G3BP1: variants seen among roughly 807,000 people sequenced by gnomAD.
The protein encoded by G3BP1 is ras GTPase-activating protein-binding protein 1.
Under a neutral mutation model 58.6 loss-of-function variants are expected in G3BP1, and 35 were observed. The observed-to-expected ratio is 0.60, with a 90% CI of 0.46 to 0.79. The LOEUF (loss-of-function observed/expected upper bound fraction) is 0.79. Among genes scored for constraint, G3BP1 ranks in the 30% least tolerant of loss-of-function variants. G3BP1 has a pLI of 0.00. For missense variants in G3BP1, 523 were observed against 580.8 expected (o/e 0.90, Z 1.02); for synonymous variants, 191 against 195.4 (o/e 0.98, Z 0.19).
intron 1 of G3BP1, chr5:151,772,738 A>G (rs1762293315): frequency 6.6e-6 from 1 of 152,236 alleles, no homozygotes; most frequent in African/African-American, 2.4e-5. Context: ...ACAGGCACGC[A>G]CGGGAAGGGC....
rs1235998675 is a variant in G3BP1, at chr5:151,800,354, A to G, written c.1084+8A>G. 1.2e-6 allele frequency: 2 copies of G among 1,611,414 alleles called. No homozygotes were observed. Among genetic ancestry groups the G allele is most frequent in the African/African-American group, 1.3e-5 (1 of 74,970 alleles). ...TTAAAGATTTCTTTCAAAGTAGGTT[A>G]TTGAGTTTTGAACACTAAATTCATC... On this transcript the variant is annotated splice_region_variant and intron_variant, in intron 10 of 11. Transcript: ENST00000356245.
chr5:151,782,933 C>G (rs1488916757), intron 1 of G3BP1, among the ~76,000 whole-genome samples: 1 of 142,524 alleles, frequency 7.0e-6, no homozygotes, highest in Non-Finnish European at 1.5e-5. Flanking sequence ...TCTCGGCTCA[C>G]TGCAACCTCC....
chr5:151,803,372 C>G (rs1234312021), intron 11 of G3BP1, among the ~76,000 whole-genome samples: 1 of 152,088 alleles, frequency 6.6e-6, no homozygotes, highest in Admixed American at 6.6e-5. Flanking sequence ...CCTTGGCTCA[C>G]CACAACTTCC....
intron 1 of G3BP1, among the ~76,000 whole-genome samples, chr5:151,783,910 G>A (rs971868207): frequency 5.9e-5 from 9 of 151,678 alleles, no homozygotes; most frequent in Admixed American, 2.6e-4. Flanking sequence ...TTACAGGCGC[G>A]TGCCACCACG....
At chr5:151,801,031 G>A (rs1762841478) in intron 11 of G3BP1, among the ~76,000 whole-genome samples, 162 bp downstream of exon 11, 1 of 151,898 alleles carries the variant, frequency 6.6e-6, no homozygotes, top group Admixed American at 6.6e-5. Flanking sequence ...AGACTTGCCT[G>A]GGGGTTTAGG....
chr5:151,800,693 A>T lies in G3BP1; in HGVS notation c.1085-67A>T. The T allele has an allele frequency of 3.2e-6, 3 of 947,958 alleles. No homozygotes were observed. The South Asian group carries it at 3.9e-5, about 12-fold the overall frequency. The allele number at this position is 947,958 out of a possible 1,614,324, so 58.7% of individuals were successfully genotyped here. A position where few individuals can be genotyped will look rare whatever the true frequency, so the allele number is the denominator to read the frequency against. On this transcript the variant is annotated intron_variant, in intron 10 of 11. Transcript: ENST00000356245. ...ATGCATCTAGTGGCTACTGTATTGG[A>T]CTGTGTACATGTAATGTTTAAAGAT...
rs1024905864 is a variant in G3BP1, at chr5:151,806,124, G to A, written c.*2033G>A. 4 of 152,136 alleles carry A rather than the reference G, an allele frequency of 2.6e-5. No homozygotes were observed. The highest frequency in any genetic ancestry group is 9.7e-5 in the African/African-American group (4 of 41,430). The allele number at this position is 152,136 out of a possible 1,614,324, so 9.4% of individuals were successfully genotyped here. On this transcript the variant is annotated 3_prime_UTR_variant, in exon 12 of 12. Coordinates refer to ENST00000356245, the MANE Select transcript of G3BP1 (RefSeq NM_005754.3). ...GGGGTCTAAGGATACCAAATGTTGT[G>A]TAAAAATGAAGCAACCCCATTGAGA...
At chr5:151,779,976 T>G (rs1269337441) in intron 1 of G3BP1, among the ~76,000 whole-genome samples, 1 of 152,258 alleles carries the variant, frequency 6.6e-6, no homozygotes, top group East Asian at 1.9e-4. Flanking sequence ...AGAAGAGAAC[T>G]GCTAGATTTT....
At chr5:151,787,958 G>C (rs1762579653) in intron 2 of G3BP1, among the ~76,000 whole-genome samples, 2 of 151,834 alleles carry the variant, frequency 1.3e-5, no homozygotes, top group African/African-American at 4.8e-5. Context: ...TTAAGTCTCA[G>C]CTGTCTCCCG....
rs1016828822 is a variant in G3BP1 at position 151,809,282 on chromosome 5, T to G, written c.*5191T>G. 1 of 152,190 alleles carries G rather than the reference T, an allele frequency of 6.6e-6. No homozygotes were observed. Among genetic ancestry groups the G allele is most frequent in the African/African-American group, 2.4e-5 (1 of 41,444 alleles). The allele number at this position is 152,190 out of a possible 1,614,324, so 9.4% of individuals were successfully genotyped here. On this transcript the variant is annotated 3_prime_UTR_variant, in exon 12 of 12. Coordinates refer to ENST00000356245, the MANE Select transcript of G3BP1 (RefSeq NM_005754.3). ...AATTTTAAAATTTTGTTATGAAGAT[T>G]GGATGTACACTGATTTGGCCCTTTA...
intron 4 of G3BP1, among the ~76,000 whole-genome samples, chr5:151,793,798 A>G (rs1166763123): frequency 6.7e-6 from 1 of 149,324 alleles, no homozygotes. Context: ...TTAAAGACCA[A>G]TCCGGGCAAT....
At chr5:151,796,774 A>C (rs1236244347) in intron 6 of G3BP1, among the ~76,000 whole-genome samples, 1 of 152,144 alleles carries the variant, frequency 6.6e-6, no homozygotes, top group Non-Finnish European at 1.5e-5. Flanking sequence ...TTAACTGTAT[A>C]GATGTGGTTC....
In G3BP1 at chr5:151,790,376, A is replaced by G. The variant is rs1024325851; in HGVS notation, c.149A>G (p.Lys50Arg). ...YVHGGLDSNG[K>R]PADAVYGQKE... is the part of the protein sequence containing the mutation. ...CATGGGGGATTGGATTCAAATGGAA[A>G]GCCAGCAGATGCAGTCTACGGACAG... The change falls in exon 3 of 12, where the codon AAG (lysine) becomes AGG (arginine). Residue 50 changes from lysine (K) to arginine (R), a missense_variant. Physicochemically the swap from Lys to Arg is conservative, Grantham distance 26. This residue lies in a region of G3BP1 where 398 missense variants were observed against 399.1 expected (regional missense o/e 1.00). Transcript: ENST00000356245. The G allele has an allele frequency of 2.8e-5, 45 of 1,586,192 alleles. No individual in the cohort carries two copies. Among genetic ancestry groups the G allele is most frequent in the African/African-American group, 5.5e-5 (4 of 73,278 alleles).
chr5:151,779,898 G>T (rs1320129947), intron 1 of G3BP1, among the ~76,000 whole-genome samples: 3 of 152,168 alleles, frequency 2.0e-5, no homozygotes, highest in African/African-American at 7.2e-5. Context: ...AGATAGGGTG[G>T]CAGTTATTTG....
In G3BP1 at chr5:151,794,303, G is replaced by T. The variant is rs374449302; in HGVS notation, c.442+54G>T. ...GTCTAAATTTTTTTTAATGGCATCC[G>T]ATTGCCCTTAAGAGACTATGGGTTT... On this transcript the variant is annotated intron_variant, in intron 5 of 11. Transcript: ENST00000356245. The T allele has an allele frequency of 3.4e-5, 32 of 949,094 alleles. No individual in the cohort carries two copies. The African/African-American group carries it at 4.1e-4, about 12-fold the overall frequency. The allele number at this position is 949,094 out of a possible 1,614,324, so 58.8% of individuals were successfully genotyped here.
At chr5:151,787,263 A>G (rs1237917313) in intron 2 of G3BP1, 4 of 152,380 alleles carry the variant, frequency 2.6e-5, no homozygotes, top group African/African-American at 9.6e-5. Context: ...TTTACTAAGA[A>G]TGTATTAAAG....
Position 151,794,203 on chromosome 5 carries a change from A to G in G3BP1, c.396A>G (p.Arg132=), listed in dbSNP as rs572404010. The G allele has an allele frequency of 1.2e-6, 2 of 1,611,424 alleles. No individual in the cohort carries two copies. Among genetic ancestry groups the G allele is most frequent in the East Asian group, 2.2e-5 (1 of 44,880 alleles). The change falls in exon 5 of 12, where the codon AGA becomes AGG. Residue 132 remains arginine (R), a synonymous_variant. Transcript: ENST00000356245. ...NKFYVHNDIF[R]YQDEVFGGFV... ...TCTATGTTCACAATGATATCTTCAG[A>G]TACCAAGATGAGGTCTTTGGTGGGT... is the stretch of plus-strand genomic sequence containing the variant.
chr5:151,798,336 A>C (rs1762791638), intron 7 of G3BP1, among the ~76,000 whole-genome samples: 1 of 152,062 alleles, frequency 6.6e-6, no homozygotes, highest in Admixed American at 6.6e-5. Context: ...GTAATAGAGT[A>C]AGACCTTGTC....
intron 4 of G3BP1, chr5:151,792,230 A>G (rs1762672290): frequency 3.1e-6 from 1 of 327,668 alleles, no homozygotes; most frequent in Admixed American, 4.0e-5. Flanking sequence ...TTAAGCATGT[A>G]TATAGAAATG....
Sources: allele counts gnomAD v4.1 joint callset (sites outside exome capture counted in the v4.1 genomes callset), GRCh38; gene constraint gnomAD v4.1.1; regional missense constraint gnomAD v4.1.1; transcripts MANE v1.5; gene names NCBI Gene and HGNC (gene_info 2026-07-23, HGNC 2026-07-21).